The following STAG1 variants were observed in gnomAD, a reference collection of about 807,000 sequenced individuals.
The protein encoded by STAG1 is STAG1 cohesin complex component, also known as cohesin subunit SA-1.
Under a neutral mutation model 170.9 loss-of-function variants are expected in STAG1, and 26 were observed. The ratio of observed to expected loss-of-function variants is 0.15; its 90% CI spans 0.11 to 0.21. The LOEUF is 0.21. Among genes scored for constraint, STAG1 ranks in the 10% least tolerant of loss-of-function variants. The probability of loss-of-function intolerance (pLI) is 1.00; values close to 1 mark genes in which losing one functional copy is unlikely to be tolerated. For synonymous variants in STAG1, 514 were observed against 497.7 expected (o/e 1.03, Z -0.44); for missense variants, 964 against 1,509.5 (o/e 0.64, Z 5.99).
chr3:136,727,232 C>CT (rs1933739400), intron 1 of STAG1, among the ~76,000 whole-genome samples: 1 of 152,100 alleles, frequency 6.6e-6, no homozygotes, highest in African/African-American at 2.4e-5. Flanking sequence ...CTTGGACAGC[C>CT]TTAAGTAATA....
At chr3:136,709,626 T>C (rs1943330021) in intron 1 of STAG1, among the ~76,000 whole-genome samples, 2 of 152,006 alleles carry the variant, frequency 1.3e-5, no homozygotes, top group South Asian at 2.1e-4. Context: ...TCCCGGCTAC[T>C]AGGGAGACTG....
At chr3:136,622,991 C>A (rs149406198) in intron 3 of STAG1, among the ~76,000 whole-genome samples, 155 bp downstream of exon 3, 1 of 152,162 alleles carries the variant, frequency 6.6e-6, no homozygotes, top group Admixed American at 6.5e-5. Flanking sequence ...CTGATCACTG[C>A]CAAGACAATT....
chr3:136,478,080 G>A (rs994463406), intron 9 of STAG1, among the ~76,000 whole-genome samples: 9 of 152,150 alleles, frequency 5.9e-5, no homozygotes, highest in African/African-American at 1.9e-4. Flanking sequence ...GTGAGCCACT[G>A]TGACCGGCCA....
intron 1 of STAG1, among the ~76,000 whole-genome samples, chr3:136,690,846 C>A (rs796919014): frequency 9.3e-5 from 14 of 151,334 alleles, no homozygotes; most frequent in African/African-American, 3.4e-4. Context: ...ATGATAATTT[C>A]TTTGGTGGAT....
chr3:136,598,582 A>G (rs1340103008), intron 4 of STAG1, among the ~76,000 whole-genome samples: 3 of 151,862 alleles, frequency 2.0e-5, no homozygotes, highest in African/African-American at 7.3e-5. Context: ...GCCCGCCACC[A>G]CGCCCGGCTA....
chr3:136,724,659 TTTG>T (rs1411784870), intron 1 of STAG1, among the ~76,000 whole-genome samples: 1 of 151,154 alleles, frequency 6.6e-6, no homozygotes, highest in East Asian at 1.9e-4. Context: ...AGTCTGCAAG[TTTG>T]TTATTTTCTC....
chr3:136,537,083 T>A (rs1935669790), intron 6 of STAG1, among the ~76,000 whole-genome samples: 1 of 152,240 alleles, frequency 6.6e-6, no homozygotes. Context: ...CCCAATTTTT[T>A]AATTATTCAT....
chr3:136,508,887 C>CGA (rs111390217), intron 7 of STAG1, among the ~76,000 whole-genome samples: 2,377 of 149,434 alleles, frequency 0.016, 20 homozygotes, highest in Non-Finnish European at 0.017. Context: ...CGCGCGTGCG[C>CGA]GAGAGAGAGA....
chr3:136,712,095 G>A (rs1431189461), intron 1 of STAG1, among the ~76,000 whole-genome samples: 1 of 152,182 alleles, frequency 6.6e-6, no homozygotes, highest in Non-Finnish European at 1.5e-5. Flanking sequence ...TCGGCTCACT[G>A]CAACCTCTGC....
chr3:136,403,827 C>T (rs1190277097), intron 21 of STAG1, among the ~76,000 whole-genome samples: 1 of 152,114 alleles, frequency 6.6e-6, no homozygotes, highest in Non-Finnish European at 1.5e-5. Flanking sequence ...CTTGGCCATC[C>T]CATTACCTGT....
In STAG1 at chr3:136,408,485, G is replaced by GTT. The variant is rs35888638; in HGVS notation, c.2196+9398_2196+9399dup. Reference sequence around the variant, plus strand: ...ATTAGGTTGGTAAAAAAGTTACTGTGTTTTTTTTTTGCCATTAAAAGTAAC... The same window carrying GTT: ...ATTAGGTTGGTAAAAAAGTTACTGTGTTTTTTTTTTTTGCCATTAAAAGTAAC... On this transcript the variant is annotated intron_variant, in intron 21 of 33. Coordinates refer to ENST00000383202, the MANE Select transcript of STAG1 (RefSeq NM_005862.3). 2.8e-3 allele frequency among the ~76,000 whole-genome samples: 415 copies of GTT among 149,456 alleles called. 10 individuals are homozygous for GTT. The East Asian group carries it at 0.056, about 20-fold the overall frequency.
intron 30 of STAG1, 145 bp downstream of exon 30, chr3:136,343,687 C>A (rs955766819): frequency 2.0e-6 from 1 of 507,430 alleles, no homozygotes; most frequent in Admixed American, 4.1e-5. Context: ...TTTTATAGCT[C>A]TTCTCACATG....
At chr3:136,559,410 A>C (rs1162823588) in intron 5 of STAG1, among the ~76,000 whole-genome samples, 2 of 152,192 alleles carry the variant, frequency 1.3e-5, no homozygotes, top group African/African-American at 4.8e-5. Context: ...AGCAGACAAT[A>C]AAGAGTATGT....
At chr3:136,403,559 C>A (rs2087398245) in intron 21 of STAG1, among the ~76,000 whole-genome samples, 1 of 151,842 alleles carries the variant, frequency 6.6e-6, no homozygotes, top group African/African-American at 2.4e-5. Context: ...ATGGAAAAGA[C>A]AAGATTTGAA....
intron 27 of STAG1, among the ~76,000 whole-genome samples, chr3:136,358,284 C>T (rs537135000): frequency 4.9e-4 from 74 of 152,060 alleles, no homozygotes; most frequent in Non-Finnish European, 3.2e-4. Context: ...GGGGTTTCGC[C>T]ATATTGCCCA....
chr3:136,744,076 C>A (rs1015355405), intron 1 of STAG1, among the ~76,000 whole-genome samples: 4 of 152,184 alleles, frequency 2.6e-5, no homozygotes, highest in Non-Finnish European at 5.9e-5. Flanking sequence ...GCCTGTAATC[C>A]CAGCACTTTG....
At chr3:136,460,392 A>G (rs1208227122) in intron 13 of STAG1, among the ~76,000 whole-genome samples, 1 of 152,146 alleles carries the variant, frequency 6.6e-6, no homozygotes, top group Admixed American at 6.6e-5. Context: ...ACCTGAGGTC[A>G]GGAGTTTGAG....
intron 1 of STAG1, among the ~76,000 whole-genome samples, chr3:136,746,751 C>G (rs902347383): frequency 6.6e-6 from 1 of 152,108 alleles, no homozygotes; most frequent in African/African-American, 2.4e-5. Context: ...GAGTTCGAGA[C>G]CAGCCTGGCC....
intron 22 of STAG1, among the ~76,000 whole-genome samples, chr3:136,398,050 G>A (rs1334225418): frequency 2.0e-5 from 3 of 151,754 alleles, no homozygotes; most frequent in South Asian, 2.1e-4. Context: ...GGGTTCAAGC[G>A]ATTCTCCTGC....
Sources: gnomAD v4.1 joint callset for allele counts (sites outside exome capture counted in the v4.1 genomes callset) on GRCh38, gnomAD v4.1.1 for gene constraint, MANE v1.5 for transcripts, NCBI Gene and HGNC (gene_info 2026-07-23, HGNC 2026-07-21) for gene names.